Variants in KCMF1 observed in about 807,000 individuals in gnomAD.
The protein encoded by KCMF1 is potassium channel modulatory factor 1, also known as E3 ubiquitin-protein ligase KCMF1.
A neutral mutation model predicts 41.1 loss-of-function variants in KCMF1; 3 were observed. That is an observed-to-expected ratio of 0.07 (90% confidence interval 0.03 to 0.19). The LOEUF (loss-of-function observed/expected upper bound fraction) is 0.19, where lower values mean the gene tolerates loss of function less well. Among genes scored for constraint, KCMF1 ranks in the 10% least tolerant of loss-of-function variants. The probability of loss-of-function intolerance (pLI) is 1.00; values close to 1 mark genes in which losing one functional copy is unlikely to be tolerated. For synonymous variants in KCMF1, 142 were observed against 164.5 expected (o/e 0.86, Z 1.04); for missense variants, 286 against 488.9 (o/e 0.58, Z 3.91).
Position 85,056,281 on chromosome 2 carries a change from A to C in KCMF1, c.*2872A>C, listed in dbSNP as rs917149714. On this transcript the variant is annotated 3_prime_UTR_variant, in exon 7 of 7. Transcript: ENST00000409785. ...TATTAGAAATAATAGACGTAACAAA[A>C]AAAATCCAGCCCATTATCCCCACCC... 9 of 152,176 alleles carry C rather than the reference A, an allele frequency of 5.9e-5. No homozygotes were observed. Among genetic ancestry groups the C allele is most frequent in the African/African-American group, 2.2e-4 (9 of 41,440 alleles). The allele number at this position is 152,176 out of a possible 1,614,324, so 9.4% of individuals were successfully genotyped here.
chr2:84,971,238 C>T lies in KCMF1; in HGVS notation c.-214C>T, dbSNP rs1673381537. Reference sequence around the variant, plus strand: ...GACCCGCCTCCTGGAGGAGCTCAGCCCCGACCAGGCCCGGCCCCATTCCCG... The same window carrying T: ...GACCCGCCTCCTGGAGGAGCTCAGCTCCGACCAGGCCCGGCCCCATTCCCG... On this transcript the variant is annotated 5_prime_UTR_variant, in exon 1 of 7. Coordinates refer to ENST00000409785, the MANE Select transcript of KCMF1 (RefSeq NM_020122.5). 1 of 149,172 alleles carries T rather than the reference C, an allele frequency of 6.7e-6. No individual in the cohort carries two copies. The highest frequency in any genetic ancestry group is 1.8e-4 in the South Asian group (1 of 5,630). 9.2% of individuals were successfully genotyped at this position (149,172 alleles called of 1,614,324 possible).
intron 1 of KCMF1, among the ~76,000 whole-genome samples, chr2:85,022,501 G>A (rs1404228710): frequency 1.5e-4 from 23 of 152,036 alleles, no homozygotes; most frequent in Admixed American, 1.5e-3. Flanking sequence ...AAACTATGTT[G>A]GTTTTCCAGT....
At chr2:85,004,656 C>T (rs1674422563) in intron 1 of KCMF1, among the ~76,000 whole-genome samples, 1 of 152,040 alleles carries the variant, frequency 6.6e-6, no homozygotes, top group African/African-American at 2.4e-5. Flanking sequence ...GGCAGGTGGG[C>T]ACAGGGTCTG....
chr2:85,049,684 T>C (rs765386298), intron 6 of KCMF1, 36 bp downstream of exon 6: 1 of 1,516,116 alleles, frequency 6.6e-7, no homozygotes, highest in East Asian at 2.3e-5. Flanking sequence ...GTTTGGGAAG[T>C]AATATTTTAT....
chr2:84,992,912 G>A (rs1272967440), intron 1 of KCMF1, among the ~76,000 whole-genome samples: 1 of 151,984 alleles, frequency 6.6e-6, no homozygotes, highest in Non-Finnish European at 1.5e-5. Context: ...ACCATAGACA[G>A]TATCTTTCAG....
chr2:85,001,612 A>G (rs561884283), intron 1 of KCMF1, among the ~76,000 whole-genome samples: 2 of 152,292 alleles, frequency 1.3e-5, no homozygotes, highest in African/African-American at 2.4e-5. Context: ...CTTTTCCTCA[A>G]TAAATGCCAG....
chr2:85,052,595 C>G (rs561220553), intron 6 of KCMF1, among the ~76,000 whole-genome samples: 1 of 152,292 alleles, frequency 6.6e-6, no homozygotes, highest in African/African-American at 2.4e-5. Context: ...CCCTGCTACA[C>G]TGTAGGTCCT....
intron 1 of KCMF1, among the ~76,000 whole-genome samples, chr2:85,024,598 G>C (rs954991632): frequency 1.3e-5 from 2 of 152,060 alleles, no homozygotes; most frequent in Non-Finnish European, 2.9e-5. Flanking sequence ...GTGTGTGTGT[G>C]TGTGTGTGCG....
At chr2:84,972,451 G>A (rs774873808) in intron 1 of KCMF1, among the ~76,000 whole-genome samples, 3 of 152,166 alleles carry the variant, frequency 2.0e-5, no homozygotes, top group South Asian at 2.1e-4. Context: ...GGAGGAGGGG[G>A]TTGTGTTTTC....
At chr2:85,003,473 G>A (rs927357385) in intron 1 of KCMF1, among the ~76,000 whole-genome samples, 9 of 150,824 alleles carry the variant, frequency 6.0e-5, no homozygotes, top group Admixed American at 2.0e-4. Flanking sequence ...GTGAGACTCC[G>A]TCTCAAAAAA....
chr2:85,001,092 C>T (rs1674315994), intron 1 of KCMF1, among the ~76,000 whole-genome samples: 1 of 150,882 alleles, frequency 6.6e-6, no homozygotes, highest in Non-Finnish European at 1.5e-5. Flanking sequence ...TCCCAAAGTG[C>T]TGGAATTACA....
intron 1 of KCMF1, among the ~76,000 whole-genome samples, chr2:85,000,720 A>G (rs576220641): frequency 2.6e-5 from 4 of 151,002 alleles, no homozygotes; most frequent in African/African-American, 7.3e-5. Context: ...TGTGAATAAT[A>G]TTCTGTGTTA....
intron 1 of KCMF1, among the ~76,000 whole-genome samples, chr2:84,983,918 C>T (rs966472419): frequency 1.3e-5 from 2 of 152,226 alleles, no homozygotes; most frequent in Admixed American, 6.5e-5. Context: ...GCTGGGATTA[C>T]AGGAGTGAGT....
At chr2:84,988,806 C>G (rs1054152692) in intron 1 of KCMF1, among the ~76,000 whole-genome samples, 2 of 152,168 alleles carry the variant, frequency 1.3e-5, no homozygotes, top group African/African-American at 4.8e-5. Context: ...CTGACTTTTT[C>G]TTTGGAGAAC....
At chr2:85,039,423 G>A (rs1574039304) in intron 3 of KCMF1, among the ~76,000 whole-genome samples, 1 of 152,052 alleles carries the variant, frequency 6.6e-6, no homozygotes, top group African/African-American at 2.4e-5. Flanking sequence ...AATGTGTGGA[G>A]CTGTTGTTTT....
chr2:85,002,979 G>A (rs1674370912), intron 1 of KCMF1, among the ~76,000 whole-genome samples: 1 of 152,118 alleles, frequency 6.6e-6, no homozygotes, highest in African/African-American at 2.4e-5. Flanking sequence ...GTAAAATGTT[G>A]TAGATATATC....
At chr2:85,017,056 C>T (rs1243563059) in intron 1 of KCMF1, among the ~76,000 whole-genome samples, 1 of 129,986 alleles carries the variant, frequency 7.7e-6, no homozygotes, top group African/African-American at 2.9e-5. Context: ...CTCGCTCTGT[C>T]GCCCAGGCGG....
chr2:85,008,339 TGA>T (rs1491131666), intron 1 of KCMF1, among the ~76,000 whole-genome samples: 5 of 61,896 alleles, frequency 8.1e-5, no homozygotes, highest in African/African-American at 3.1e-4. Context: ...ATATATAATA[TGA>T]TATATAATAT....
At chr2:85,026,299 C>CTTT (rs76915217) in intron 1 of KCMF1, among the ~76,000 whole-genome samples, 1 of 145,384 alleles carries the variant, frequency 6.9e-6, no homozygotes, top group Non-Finnish European at 1.5e-5. Flanking sequence ...CATATTTTAA[C>CTTT]TTTTTTTTTT....
Sources: allele counts gnomAD v4.1 joint callset (sites outside exome capture counted in the v4.1 genomes callset), GRCh38; gene constraint gnomAD v4.1.1; transcripts MANE v1.5; gene names NCBI Gene and HGNC (gene_info 2026-07-23, HGNC 2026-07-21).